LRFN5: variants seen among roughly 807,000 people sequenced by gnomAD.
LRFN5 encodes leucine-rich repeat and fibronectin type-III domain-containing protein 5.
LRFN5 carries 24 observed loss-of-function variants against 45.6 expected under a neutral mutation model. The ratio of observed to expected loss-of-function variants is 0.53; its 90% CI spans 0.38 to 0.74. LRFN5 has a LOEUF of 0.74. Ranked by LOEUF, LRFN5 falls within the 30% of genes least tolerant of loss-of-function variation. The pLI, the probability that LRFN5 is intolerant of heterozygous loss-of-function variation, is 0.00. For missense variants in LRFN5, 776 were observed against 861.5 expected, an observed-to-expected ratio of 0.90 and a Z score of 1.24; for synonymous variants, 340 against 313.8, an observed-to-expected ratio of 1.08 and a Z score of -0.88.
intron 1 of LRFN5, among the ~76,000 whole-genome samples, chr14:41,754,706 C>T (rs1338050671): frequency 6.6e-6 from 1 of 152,010 alleles, no homozygotes; most frequent in East Asian, 1.9e-4. Flanking sequence ...TTGATCTTTT[C>T]AAAAAACCGG....
At chr14:41,831,516 A>G (rs915858016) in intron 2 of LRFN5, among the ~76,000 whole-genome samples, 3 of 152,004 alleles carry the variant, frequency 2.0e-5, no homozygotes, top group Admixed American at 6.6e-5. Context: ...ACATAGATGT[A>G]TGTGTGTGTG....
At chr14:41,693,542 T>C (rs1024320730) in intron 1 of LRFN5, among the ~76,000 whole-genome samples, 1 of 152,034 alleles carries the variant, frequency 6.6e-6, no homozygotes, top group Non-Finnish European at 1.5e-5. Flanking sequence ...TATTAGTTTT[T>C]TTGTAGAAAT....
intron 2 of LRFN5, among the ~76,000 whole-genome samples, chr14:41,788,857 C>T (rs1036461058): frequency 5.3e-5 from 8 of 152,010 alleles, no homozygotes; most frequent in Middle Eastern, 3.4e-3. Flanking sequence ...TTCCCATGTG[C>T]GTGTTAATAT....
intron 1 of LRFN5, among the ~76,000 whole-genome samples, chr14:41,685,677 G>A (rs931388575): frequency 6.6e-6 from 1 of 152,056 alleles, no homozygotes; most frequent in Non-Finnish European, 1.5e-5. Context: ...TCAGTTTTCT[G>A]CATATGGCTA....
At chr14:41,655,715 A>G (rs572552185) in intron 1 of LRFN5, among the ~76,000 whole-genome samples, 1 of 152,106 alleles carries the variant, frequency 6.6e-6, no homozygotes, top group East Asian at 1.9e-4. Flanking sequence ...GAAGATACAT[A>G]TGTGATGTAG....
intron 1 of LRFN5, among the ~76,000 whole-genome samples, chr14:41,634,260 A>G (rs1408709791): frequency 6.6e-6 from 1 of 152,058 alleles, no homozygotes; most frequent in East Asian, 1.9e-4. Flanking sequence ...TCTTTTCTTA[A>G]ATTAGATTTT....
chr14:41,678,632 A>G (rs1166804661), intron 1 of LRFN5, among the ~76,000 whole-genome samples: 3 of 152,192 alleles, frequency 2.0e-5, no homozygotes, highest in African/African-American at 7.2e-5. Context: ...TATATATAAC[A>G]TCTTAGGTGG....
chr14:41,732,884 C>T (rs1470832285), intron 1 of LRFN5, among the ~76,000 whole-genome samples: 1 of 151,214 alleles, frequency 6.6e-6, no homozygotes, highest in African/African-American at 2.4e-5. Context: ...AATAAATTTA[C>T]AGAAAACCTA....
chr14:41,714,022 G>A (rs189609125), intron 1 of LRFN5, among the ~76,000 whole-genome samples: 110 of 152,188 alleles, frequency 7.2e-4, no homozygotes, highest in African/African-American at 2.6e-3. Context: ...ATGTCATGCA[G>A]CAGTTAAAAT....
intron 2 of LRFN5, among the ~76,000 whole-genome samples, chr14:41,781,684 G>A (rs911989579): frequency 1.4e-5 from 2 of 148,076 alleles, no homozygotes; most frequent in African/African-American, 2.5e-5. Flanking sequence ...GAAAGAAAGA[G>A]AAAGAAAGAA....
At chr14:41,657,995 T>C (rs571522395) in intron 1 of LRFN5, among the ~76,000 whole-genome samples, 2 of 151,936 alleles carry the variant, frequency 1.3e-5, no homozygotes, top group Non-Finnish European at 2.9e-5. Flanking sequence ...TTCATGTGTA[T>C]TCTACCTGTT....
At chr14:41,791,398 T>G (rs1886914945) in intron 2 of LRFN5, among the ~76,000 whole-genome samples, 1 of 152,008 alleles carries the variant, frequency 6.6e-6, no homozygotes, top group African/African-American at 2.4e-5. Flanking sequence ...CTCAGCATAA[T>G]GAATGTACTT....
chr14:41,632,359 T>C (rs962301144), intron 1 of LRFN5, among the ~76,000 whole-genome samples: 1 of 152,170 alleles, frequency 6.6e-6, no homozygotes, highest in African/African-American at 2.4e-5. Context: ...ATCCCAGCAC[T>C]TTGGGAGGCT....
intron 1 of LRFN5, among the ~76,000 whole-genome samples, chr14:41,640,809 C>G (rs1212215979): frequency 6.6e-6 from 1 of 151,924 alleles, no homozygotes; most frequent in Non-Finnish European, 1.5e-5. Context: ...TGCCCTTTAT[C>G]CCATATTTCA....
chr14:41,780,597 CAT>C (rs34020367), intron 2 of LRFN5, among the ~76,000 whole-genome samples: 41,045 of 151,730 alleles, frequency 0.27, 6,601 homozygotes, highest in East Asian at 0.69. Context: ...TTGCAGATAA[CAT>C]ATAATTGAGT....
intron 2 of LRFN5, among the ~76,000 whole-genome samples, chr14:41,769,045 A>G (rs1269810986): frequency 1.3e-5 from 2 of 151,966 alleles, no homozygotes; most frequent in Non-Finnish European, 2.9e-5. Flanking sequence ...TTGGAGTAAC[A>G]TTAGGTTAAT....
intron 2 of LRFN5, among the ~76,000 whole-genome samples, chr14:41,778,154 G>A (rs959852543): frequency 1.3e-5 from 2 of 151,484 alleles, no homozygotes; most frequent in African/African-American, 4.8e-5. Flanking sequence ...ATTTAAATAT[G>A]AAATATTTAT....
chr14:41,877,468 TAAAGA>T lies in LRFN5; in HGVS notation c.-20-9135_-20-9131del, dbSNP rs1020498935. Among the ~76,000 whole-genome samples the T allele has an allele frequency of 1.5e-3, 224 of 152,248 alleles. 1 individual carries two copies. Among genetic ancestry groups the T allele is most frequent in the African/African-American group, 5.2e-3 (214 of 41,538 alleles). On this transcript the variant is annotated intron_variant, in intron 2 of 5. Transcript: ENST00000298119. ...AAATTTTGTTTCCTCATCTATAAAA[TAAAGA>T]AATTACTACTTATTTTGTGTTTACC...
intron 1 of LRFN5, among the ~76,000 whole-genome samples, chr14:41,756,881 T>C (rs1040548982): frequency 2.0e-5 from 3 of 152,170 alleles, no homozygotes; most frequent in African/African-American, 7.2e-5. Context: ...TCCGCATCTT[T>C]GTGGTTTTAT....
Sources: allele counts gnomAD v4.1 joint callset (sites outside exome capture counted in the v4.1 genomes callset), GRCh38; gene constraint gnomAD v4.1.1; transcripts MANE v1.5; gene names NCBI Gene and HGNC (gene_info 2026-07-23, HGNC 2026-07-21).